The following RFT1 variants were observed in gnomAD, a reference collection of about 807,000 sequenced individuals.
RFT1 encodes man(5)GlcNAc(2)-PP-dolichol translocation protein RFT1.
RFT1 carries 43 observed loss-of-function variants against 62.2 expected under a neutral mutation model. The ratio of observed to expected loss-of-function variants is 0.69; its 90% CI spans 0.54 to 0.89. RFT1 has a LOEUF of 0.89. RFT1 is among the 40% of genes least tolerant of loss of function. The pLI is 0.00. For missense variants in RFT1, 605 were observed against 649.9 expected, an observed-to-expected ratio of 0.93 and a Z score of 0.75; for synonymous variants, 262 against 264.6, an observed-to-expected ratio of 0.99 and a Z score of 0.10.
At chr3:53,081,376 T>C in the RFT1 span, among the ~76,000 whole-genome samples, 1 of 152,160 alleles carries the variant, frequency 6.6e-6, no homozygotes, top group Admixed American at 6.5e-5. Flanking sequence ...GGCACAGCCA[T>C]AGAGGTGAGG....
At chr3:53,066,942 G>T in the RFT1 span, among the ~76,000 whole-genome samples, 1 of 152,212 alleles carries the variant, frequency 6.6e-6, no homozygotes, top group Non-Finnish European at 1.5e-5. Flanking sequence ...AAATAAACCA[G>T]TGTGGCCTAT....
chr3:53,073,341 G>A, the RFT1 span, among the ~76,000 whole-genome samples: 1 of 152,224 alleles, frequency 6.6e-6, no homozygotes, highest in Admixed American at 6.5e-5. Context: ...GACACAAAAG[G>A]GGCTTTGCCT....
In RFT1 at chr3:53,110,040, C is replaced by T. The variant is rs1701603185; in HGVS notation, c.775+1790G>A. Among the ~76,000 whole-genome samples the T allele has an allele frequency of 2.0e-5, 3 of 152,082 alleles. No individual in the cohort carries two copies. In the South Asian group the frequency reaches 6.2e-4, roughly 31 times the overall value. ...CAGGCTCCTGGCACCACATTCAGGT[C>T]GAGCTCTGGAGGCTTTAGTTTGCAG... On this transcript the variant is annotated intron_variant, in intron 7 of 12. Transcript: ENST00000296292.
chr3:53,080,919 T>C, the RFT1 span, among the ~76,000 whole-genome samples: 4 of 152,134 alleles, frequency 2.6e-5, no homozygotes, highest in Admixed American at 6.5e-5. Flanking sequence ...CCCGCCAAAC[T>C]CCTGGCCCCA....
At position 53,092,411 on chromosome 3, in the gene RFT1, G is replaced by T. The variant is rs565750176; in HGVS notation, c.1416C>A (p.Leu472=). ...LAGLHLSPVL[L]GTFALSGGVT... ...CCCCACCACTGAGGGCAAATGTCCC[G>T]AGCAGGACTGGCGATAGGTGCAGGC... Residue 472 remains leucine, a synonymous_variant, in exon 12 of 13, where the codon CTC becomes CTA. Coordinates refer to ENST00000296292, the MANE Select transcript of RFT1 (RefSeq NM_052859.4). 6.2e-7 allele frequency: 1 copy of T among 1,607,486 alleles called. No individual in the cohort carries two copies. Among genetic ancestry groups the T allele is most frequent in the Admixed American group, 1.7e-5 (1 of 58,686 alleles).
At chr3:53,084,916 C>T (rs1700826494), downstream of RFT1, among the ~76,000 whole-genome samples, 1 of 152,216 alleles carries the variant, frequency 6.6e-6, no homozygotes, top group Non-Finnish European at 1.5e-5. Context: ...GAGGGATGAA[C>T]CGTGCCACTC....
intron 3 of RFT1, among the ~76,000 whole-genome samples, chr3:53,123,426 T>C (rs186070693): frequency 6.6e-6 from 1 of 152,196 alleles, no homozygotes; most frequent in African/African-American, 2.4e-5. Flanking sequence ...GAGCCCACAG[T>C]GGTGGTCAGA....
chr3:53,097,710 C>G lies in RFT1; in HGVS notation c.1208+1671G>C, dbSNP rs575049470. On this transcript the variant is annotated intron_variant, in intron 11 of 12. Coordinates refer to ENST00000296292, the MANE Select transcript of RFT1 (RefSeq NM_052859.4). ...ACAAAATTCCCTTCAAGGAGATACA[C>G]TCCTAGTCCTGCTCTTTCCACTCTA... is the stretch of plus-strand genomic sequence containing the variant. 3.9e-5 allele frequency among the ~76,000 whole-genome samples: 6 copies of G among 152,364 alleles called. No individual in the cohort carries two copies. In the South Asian group the frequency reaches 8.3e-4, roughly 21 times the overall value.
At chr3:53,129,832 T>C (rs1702209505) in intron 1 of RFT1, among the ~76,000 whole-genome samples, 1 of 152,146 alleles carries the variant, frequency 6.6e-6, no homozygotes, top group Non-Finnish European at 1.5e-5. Flanking sequence ...ATTACCCCCA[T>C]TTTACTAGTG....
At chr3:53,123,083 A>G (rs527654338) in intron 3 of RFT1, among the ~76,000 whole-genome samples, 1 of 152,334 alleles carries the variant, frequency 6.6e-6, no homozygotes, top group Admixed American at 6.5e-5. Flanking sequence ...TTGTTCCTCT[A>G]ATAAAATGAA....
intron 1 of RFT1, among the ~76,000 whole-genome samples, chr3:53,128,757 T>C (rs568894852): frequency 2.9e-4 from 44 of 152,320 alleles, no homozygotes; most frequent in African/African-American, 9.6e-4. Context: ...GCAATCCTCC[T>C]GCCTTGGCCT....
In RFT1 at chr3:53,119,925, A is replaced by C. The variant is rs569358791; in HGVS notation, c.655T>G (p.Ser219Ala). 16 of 1,612,874 alleles carry C rather than the reference A, an allele frequency of 9.9e-6. No homozygotes were observed. In the South Asian group the frequency reaches 1.7e-4, roughly 17 times the overall value. The change falls in exon 6 of 13, where the codon TCC becomes GCC. Residue 219 changes from serine (S) to alanine (A), a missense_variant. Physicochemically the swap from Ser to Ala is moderately conservative, Grantham distance 99. Transcript: ENST00000296292. ...ESTKLQTLPV[S>A]RITDLLPNIT... ...TTGGGTAACAGATCTGTTATTCTGGAGACAGGAAGAGTTTGAAGCTTGGTT... is the reference window on the plus strand; with the variant it reads ...TTGGGTAACAGATCTGTTATTCTGGCGACAGGAAGAGTTTGAAGCTTGGTT...
the RFT1 span, among the ~76,000 whole-genome samples, chr3:53,075,178 A>G: frequency 1.3e-5 from 2 of 152,052 alleles, no homozygotes; most frequent in Admixed American, 1.3e-4. Flanking sequence ...TTAGAGACCA[A>G]CCTGGTCCTG....
At position 53,099,451 on chromosome 3, in the gene RFT1, G is replaced by T. The variant is rs575508213; in HGVS notation, c.1138C>A (p.Leu380Ile). 3 of 1,614,040 alleles carry T rather than the reference G, an allele frequency of 1.9e-6. No homozygotes were observed. Among genetic ancestry groups the T allele is most frequent in the Admixed American group, 3.3e-5 (2 of 60,012 alleles). Residue 380 changes from leucine to isoleucine, a missense_variant, in exon 11 of 13, where the codon CTC becomes ATC. Physicochemically the swap from Leu to Ile is conservative, Grantham distance 5. Transcript: ENST00000296292. ...GTCACTCCATTGATGGCAAGCAGGA[G>T]AACATAGAGACAGTAGGAACGCAGC... ...VLLRSYCLYVLLLAINGVTEC... is the reference protein window; with the variant it reads ...VLLRSYCLYVILLAINGVTEC...
At chr3:53,083,696 C>T (rs934083816), downstream of RFT1, among the ~76,000 whole-genome samples, 2 of 152,190 alleles carry the variant, frequency 1.3e-5, no homozygotes, top group South Asian at 2.1e-4. Context: ...TGTGCTTGGG[C>T]ATCCTGCCCA....
rs2107067560 is a variant in RFT1, at chr3:53,091,565, G to C, written c.*338C>G. 3.1e-6 allele frequency: 1 copy of C among 320,374 alleles called. No individual in the cohort carries two copies. The highest frequency in any genetic ancestry group is 7.3e-5 in the East Asian group (1 of 13,680). The allele number at this position is 320,374 out of a possible 1,614,324, so 19.8% of individuals were successfully genotyped here. A position where few individuals can be genotyped will look rare whatever the true frequency, so the allele number is the denominator to read the frequency against. On this transcript the variant is annotated 3_prime_UTR_variant, in exon 13 of 13. Coordinates refer to ENST00000296292, the MANE Select transcript of RFT1 (RefSeq NM_052859.4). ...ATAATTATTAACAGTTAACAATTAA[G>C]ATATAGTTTGTTGGAGCATGTAGCT...
chr3:53,094,018 TATA>T (rs1274374306), intron 11 of RFT1, among the ~76,000 whole-genome samples: 1 of 151,998 alleles, frequency 6.6e-6, no homozygotes, highest in Admixed American at 6.6e-5. Flanking sequence ...TGTCTCAAAA[TATA>T]ATGATGACTT....
At chr3:53,120,147 A>T (rs1701929714) in intron 5 of RFT1, 126 bp from the exon 6 acceptor site, 2 of 785,798 alleles carry the variant, frequency 2.5e-6, no homozygotes, top group African/African-American at 1.8e-5. Flanking sequence ...GCAATGCCTT[A>T]CCCTCTGGGA....
chr3:53,091,642 T>C lies in RFT1; in HGVS notation c.*261A>G. ...ATGAGTATATTAGTAAAAGAGAAAA[T>C]GCTGATTACTATAAAATGATAAAAA... On this transcript the variant is annotated 3_prime_UTR_variant, in exon 13 of 13. Coordinates refer to ENST00000296292, the MANE Select transcript of RFT1 (RefSeq NM_052859.4). 2.0e-6 allele frequency: 1 copy of C among 493,738 alleles called. No individual in the cohort carries two copies. The highest frequency in any genetic ancestry group is 2.2e-5 in the South Asian group (1 of 45,524). 30.6% of individuals were successfully genotyped at this position (493,738 alleles called of 1,614,324 possible).
Sources: gnomAD v4.1 joint callset for allele counts (sites outside exome capture counted in the v4.1 genomes callset) on GRCh38, gnomAD v4.1.1 for gene constraint, MANE v1.5 for transcripts, NCBI Gene and HGNC (gene_info 2026-07-23, HGNC 2026-07-21) for gene names.